WAC: variants seen among roughly 807,000 people sequenced by gnomAD.
WAC encodes WW domain containing adaptor with coiled-coil.
WAC carries 11 observed loss-of-function variants against 79.6 expected under a neutral mutation model. The observed-to-expected ratio is 0.14, with a 90% CI of 0.09 to 0.23. The LOEUF (loss-of-function observed/expected upper bound fraction) is 0.23, where lower values mean the gene tolerates loss of function less well. WAC is among the 10% of genes least tolerant of loss of function. The probability of loss-of-function intolerance (pLI) is 1.00; values close to 1 mark genes in which losing one functional copy is unlikely to be tolerated. For synonymous variants in WAC, 304 were observed against 276.9 expected (o/e 1.10, Z -0.97); for missense variants, 728 against 773.5 (o/e 0.94, Z 0.70).
chr10:28,611,283 G>A, intron 9 of WAC: 1 of 1,292,620 alleles, frequency 7.7e-7, no homozygotes, highest in Non-Finnish European at 1.0e-6. Context: ...GTATCCAAAT[G>A]GAGAGAGATA....
intron 6 of WAC, among the ~76,000 whole-genome samples, chr10:28,593,624 TGG>T (rs1347746760): frequency 6.6e-6 from 1 of 151,222 alleles, no homozygotes; most frequent in African/African-American, 2.4e-5. Context: ...AAAAATAAGC[TGG>T]GCGTGGTGGT....
chr10:28,551,784 TTG>T lies in WAC; in HGVS notation c.274+16061_274+16062del, dbSNP rs71769370. Among the ~76,000 whole-genome samples the T allele has an allele frequency of 8.0e-3, 999 of 124,794 alleles. 6 individuals carry two copies. The highest frequency in any genetic ancestry group is 0.024 in the African/African-American group (753 of 31,774). The allele number at this position is 124,794 out of a possible 152,430, so 81.9% of individuals were successfully genotyped here. Reference sequence around the variant, plus strand: ...AAATGCTTTTATGTTTCCTGTCTACTTGTGTGTGTGTGTGTGTGTGTGTGTGT... The same window carrying T: ...AAATGCTTTTATGTTTCCTGTCTACTTGTGTGTGTGTGTGTGTGTGTGTGT... On this transcript the variant is annotated intron_variant, in intron 3 of 13. Coordinates refer to ENST00000354911, the MANE Select transcript of WAC (RefSeq NM_016628.5).
chr10:28,536,208 A>G (rs1455757347), intron 3 of WAC, among the ~76,000 whole-genome samples: 4 of 151,010 alleles, frequency 2.6e-5, no homozygotes, highest in Non-Finnish European at 5.9e-5. Flanking sequence ...AGATGGTGCC[A>G]CTGCACTCCA....
At chr10:28,548,317 C>CT (rs1437031534) in intron 3 of WAC, among the ~76,000 whole-genome samples, 12 of 152,114 alleles carry the variant, frequency 7.9e-5, no homozygotes, top group Admixed American at 3.3e-4. Context: ...CTTCCACACT[C>CT]TTTTTTTCTT....
intron 7 of WAC, among the ~76,000 whole-genome samples, chr10:28,600,624 TA>T (rs1190590292): frequency 6.6e-6 from 1 of 152,086 alleles, no homozygotes; most frequent in African/African-American, 2.4e-5. Context: ...AAATAACTGA[TA>T]AAAAATATTA....
chr10:28,602,419 C>T (rs1158488817), intron 7 of WAC, among the ~76,000 whole-genome samples: 2 of 152,164 alleles, frequency 1.3e-5, no homozygotes, highest in African/African-American at 4.8e-5. Flanking sequence ...TAGGTGTTGT[C>T]ACCTACCTAC....
At chr10:28,615,904 A>G (rs1841446572) in intron 11 of WAC, 1 of 323,716 alleles carries the variant, frequency 3.1e-6, no homozygotes, top group Non-Finnish European at 5.6e-6. Flanking sequence ...TTTGTGGTAC[A>G]CAAAGTTAAC....
chr10:28,568,290 T>C (rs957091762), intron 3 of WAC, among the ~76,000 whole-genome samples: 2 of 152,252 alleles, frequency 1.3e-5, no homozygotes, highest in Non-Finnish European at 2.9e-5. Flanking sequence ...TTATTCCAGT[T>C]GCTGAATTAA....
chr10:28,535,405 C>A, intron 2 of WAC, 157 bp from the exon 3 acceptor site: 2 of 779,926 alleles, frequency 2.6e-6, no homozygotes, highest in Non-Finnish European at 1.8e-6. Flanking sequence ...GGTTTTTTGT[C>A]TGAGAAACTT....
chr10:28,564,048 G>A (rs1166543289), intron 3 of WAC, among the ~76,000 whole-genome samples: 1 of 151,908 alleles, frequency 6.6e-6, no homozygotes, highest in Non-Finnish European at 1.5e-5. Flanking sequence ...AAGCTGAGGC[G>A]GGCGGATCCC....
At position 28,540,546 on chromosome 10, in the gene WAC, G is replaced by A. The variant is rs528026464; in HGVS notation, c.274+4789G>A. Among the ~76,000 whole-genome samples the A allele has an allele frequency of 7.9e-5, 12 of 152,286 alleles. No homozygotes were observed. In the South Asian group the frequency reaches 1.4e-3, roughly 18 times the overall value. On this transcript the variant is annotated intron_variant, in intron 3 of 13. Coordinates refer to ENST00000354911, the MANE Select transcript of WAC (RefSeq NM_016628.5). Reference sequence around the variant, plus strand: ...TTCAAAAATAAGTTTTGACATGGAAGCATGACACAGATTTCACTAGGAAAA... The same window carrying A: ...TTCAAAAATAAGTTTTGACATGGAAACATGACACAGATTTCACTAGGAAAA...
intron 7 of WAC, among the ~76,000 whole-genome samples, chr10:28,606,804 A>T (rs1173134270): frequency 6.6e-6 from 1 of 152,174 alleles, no homozygotes; most frequent in Non-Finnish European, 1.5e-5. Context: ...CCTAAAGGGG[A>T]ATTACTGGGT....
In WAC at chr10:28,535,657, G is replaced by A. The variant is rs200361823; in HGVS notation, c.174G>A (p.Met58Ile). ...DAGDPSPPNKMLRRSDSPENK... is the reference protein window; with the variant it reads ...DAGDPSPPNKILRRSDSPENK... ...GAGATCCTTCACCACCAAATAAAAT[G>A]TTGCGGAGATCTGATAGTCCTGAAA... Residue 58 changes from methionine (M) to isoleucine (I), a missense_variant, in exon 3 of 14, where the codon ATG becomes ATA. Physicochemically the swap from Met to Ile is conservative, Grantham distance 10. Coordinates refer to ENST00000354911, the MANE Select transcript of WAC (RefSeq NM_016628.5). The A allele has an allele frequency of 1.9e-5, 31 of 1,614,106 alleles. No homozygotes were observed.
chr10:28,594,172 G>GT (rs1394570417), intron 6 of WAC, among the ~76,000 whole-genome samples: 2 of 93,222 alleles, frequency 2.1e-5, no homozygotes, highest in African/African-American at 2.8e-5. Flanking sequence ...TGCCCTTTTT[G>GT]TTTTTTTAAT....
intron 3 of WAC, among the ~76,000 whole-genome samples, chr10:28,556,705 T>A (rs1290985654): frequency 6.6e-6 from 1 of 152,078 alleles, no homozygotes; most frequent in Non-Finnish European, 1.5e-5. Context: ...CCTTATATTT[T>A]CAGTTGTTAT....
intron 12 of WAC, among the ~76,000 whole-genome samples, chr10:28,616,946 G>T (rs1314464348): frequency 6.6e-6 from 1 of 152,168 alleles, no homozygotes; most frequent in Admixed American, 6.5e-5. Context: ...AGCCAGGCAT[G>T]GTGGCATGCA....
At chr10:28,537,128 G>C (rs1014189539) in intron 3 of WAC, among the ~76,000 whole-genome samples, 2 of 152,212 alleles carry the variant, frequency 1.3e-5, no homozygotes, top group Non-Finnish European at 2.9e-5. Flanking sequence ...TGGATGAGAA[G>C]AAAGTAGTTC....
At chr10:28,614,066 T>C (rs975478871) in intron 10 of WAC, among the ~76,000 whole-genome samples, 7 of 152,126 alleles carry the variant, frequency 4.6e-5, no homozygotes, top group Admixed American at 3.3e-4. Flanking sequence ...GAAGAGATAA[T>C]AATGTATTGG....
intron 12 of WAC, 72 bp downstream of exon 12, chr10:28,616,434 T>A: frequency 8.1e-7 from 1 of 1,232,110 alleles, no homozygotes; most frequent in South Asian, 2.1e-5. Context: ...TTCTAGAGAA[T>A]CTAATGTGAC....
Sources: allele counts gnomAD v4.1 joint callset (sites outside exome capture counted in the v4.1 genomes callset), GRCh38; gene constraint gnomAD v4.1.1; transcripts MANE v1.5; gene names NCBI Gene and HGNC (gene_info 2026-07-23, HGNC 2026-07-21).